The following CEP135 variants were observed in gnomAD, a reference collection of about 807,000 sequenced individuals.
CEP135 encodes the protein centrosomal protein of 135 kDa.
A neutral mutation model predicts 157.3 loss-of-function variants in CEP135; 142 were observed. The observed-to-expected ratio is 0.90, with a 90% CI of 0.79 to 1.04. CEP135 has a LOEUF of 1.04. Ranked by LOEUF, CEP135 falls within the 50% of genes least tolerant of loss-of-function variation. The pLI, the probability that CEP135 is intolerant of heterozygous loss-of-function variation, is 0.00. For synonymous variants in CEP135, 396 were observed against 439.8 expected (o/e 0.90, Z 1.25); for missense variants, 1,317 against 1,309.2 (o/e 1.01, Z -0.09).
rs146684547 is a variant in CEP135, at chr4:55,964,278, A to G, written c.704A>G (p.Glu235Gly). 98 of 1,608,558 alleles carry G rather than the reference A, an allele frequency of 6.1e-5. No individual in the cohort carries two copies. In the African/African-American group the frequency reaches 9.9e-4, roughly 16 times the overall value. ...ACAGCATGACTATATCTTCAGATTG[A>G]GCTAAGAGAACGAGAGATAGAACGA... is the stretch of plus-strand genomic sequence containing the variant. ...SGVRDYSKQI[E>G]LREREIERLS... The change falls in exon 7 of 26, where the codon GAG becomes GGG. Residue 235 changes from glutamate (E) to glycine (G), a missense_variant. Glu to Gly is a moderately conservative substitution (Grantham distance 98). Transcript: ENST00000257287.
At chr4:56,010,123 G>A (rs1356764302) in intron 19 of CEP135, among the ~76,000 whole-genome samples, 1 of 152,042 alleles carries the variant, frequency 6.6e-6, no homozygotes, top group Non-Finnish European at 1.5e-5. Flanking sequence ...GCTGAGGTGG[G>A]TGGATCACTT....
chr4:56,009,989 CTGA>C, intron 19 of CEP135, 86 bp downstream of exon 19: 2 of 1,287,228 alleles, frequency 1.6e-6, no homozygotes, highest in Non-Finnish European at 2.2e-6. Context: ...TTTCTAAAAT[CTGA>C]TGATATAAAA....
At chr4:55,980,027 G>A (rs1729346505) in intron 11 of CEP135, 116 bp from the exon 12 acceptor site, 11 of 851,832 alleles carry the variant, frequency 1.3e-5, no homozygotes, top group African/African-American at 6.9e-5. Flanking sequence ...CCTTAATTAC[G>A]TTAAAGGCAC....
chr4:55,992,583 T>G (rs1251426801), intron 15 of CEP135, among the ~76,000 whole-genome samples: 1 of 152,160 alleles, frequency 6.6e-6, no homozygotes, highest in Non-Finnish European at 1.5e-5. Context: ...TAGTGTTCCT[T>G]TTAGGAAGCT....
Position 55,977,171 on chromosome 4 carries a change from A to G in CEP135, c.1473+2202A>G, listed in dbSNP as rs190127890. On this transcript the variant is annotated intron_variant, in intron 11 of 25. Coordinates refer to ENST00000257287, the MANE Select transcript of CEP135 (RefSeq NM_025009.5). ...TCAGGAGCACTTGTTGGTAAACCAC[A>G]AAGATCATTCTACAGCTGGATTTGG... Among the ~76,000 whole-genome samples the G allele has an allele frequency of 4.3e-4, 66 of 152,296 alleles. 1 individual carries two copies. In the East Asian group the frequency reaches 0.01, roughly 24 times the overall value.
Position 56,017,846 on chromosome 4 carries a change from G to C in CEP135, c.3001G>C (p.Glu1001Gln). The change falls in exon 22 of 26, where the codon GAG (glutamate) becomes CAG (glutamine). Residue 1001 changes from glutamate to glutamine, a missense_variant. By Grantham distance (29) the Glu-to-Gln change is conservative. Coordinates refer to ENST00000257287, the MANE Select transcript of CEP135 (RefSeq NM_025009.5). Reference sequence around the variant, plus strand: ...CCAGCAATTGAATTCGAAAAACCTTGAGTTTGAGAGGGTAAGAAAGATAAA... The same window carrying C: ...CCAGCAATTGAATTCGAAAAACCTTCAGTTTGAGAGGGTAAGAAAGATAAA... ...MTQQLNSKNL[E>Q]FERVVVELEN... 6.2e-7 allele frequency: 1 copy of C among 1,612,080 alleles called. No individual in the cohort carries two copies.
chr4:56,018,538 G>A (rs753763702), intron 22 of CEP135, among the ~76,000 whole-genome samples: 6 of 152,078 alleles, frequency 3.9e-5, no homozygotes, highest in Non-Finnish European at 8.8e-5. Context: ...CAGGCAGATT[G>A]CTTGAGCTCA....
Position 56,017,697 on chromosome 4 carries a change from A to C in CEP135, c.2852A>C (p.Lys951Thr). Reference protein sequence around the residue: ...AYESQISSMAKAMSRLEEELR... With the variant: ...AYESQISSMATAMSRLEEELR... ...GAATCTCAGATCTCATCAATGGCAA[A>C]AGCCATGTCTCGATTAGAAGAAGAG... The change falls in exon 22 of 26, where the codon AAA (lysine) becomes ACA (threonine). Residue 951 changes from lysine to threonine, a missense_variant. Transcript: ENST00000257287. 3 of 1,613,796 alleles carry C rather than the reference A, an allele frequency of 1.9e-6. No homozygotes were observed. Among genetic ancestry groups the C allele is most frequent in the Non-Finnish European group, 2.5e-6 (3 of 1,179,956 alleles).
At chr4:55,985,631 T>C (rs1289045652) in intron 14 of CEP135, among the ~76,000 whole-genome samples, 1 of 152,046 alleles carries the variant, frequency 6.6e-6, no homozygotes, top group African/African-American at 2.4e-5. Flanking sequence ...ATTTTTTTTG[T>C]ATTTTTAGTA....
chr4:55,983,664 C>T (rs948697327), intron 13 of CEP135, among the ~76,000 whole-genome samples: 23 of 151,716 alleles, frequency 1.5e-4, no homozygotes, highest in Admixed American at 8.5e-4. Flanking sequence ...GGGGCAGTCC[C>T]GCTCACTGCA....
At chr4:56,003,230 C>T (rs1333794799) in intron 17 of CEP135, among the ~76,000 whole-genome samples, 1 of 152,028 alleles carries the variant, frequency 6.6e-6, no homozygotes, top group African/African-American at 2.4e-5. Flanking sequence ...CTTTGTCGCT[C>T]AGGGTGGAGT....
At chr4:56,002,988 C>T (rs1392879161) in intron 17 of CEP135, among the ~76,000 whole-genome samples, 1 of 152,140 alleles carries the variant, frequency 6.6e-6, no homozygotes, top group Non-Finnish European at 1.5e-5. Flanking sequence ...TCCATTTCTT[C>T]TAGGTTTTCC....
chr4:55,964,461 A>G (rs910957841), intron 7 of CEP135, 59 bp downstream of exon 7: 10 of 1,350,578 alleles, frequency 7.4e-6, no homozygotes, highest in South Asian at 1.4e-5. Flanking sequence ...AATAAACACT[A>G]TATGTTTATA....
chr4:56,029,683 C>T (rs145762764), intron 25 of CEP135, among the ~76,000 whole-genome samples: 94 of 152,290 alleles, frequency 6.2e-4, no homozygotes, highest in African/African-American at 2.1e-3. Context: ...TGCTCCTAGG[C>T]GATAAATCTG....
chr4:56,019,526 G>A lies in CEP135; in HGVS notation c.3186G>A (p.Lys1062=), dbSNP rs1377057568. 1.2e-6 allele frequency: 2 copies of A among 1,613,638 alleles called. No homozygotes were observed. Among genetic ancestry groups the A allele is most frequent in the African/African-American group, 1.3e-5 (1 of 75,016 alleles). The change falls in exon 23 of 26, where the codon AAG becomes AAA. Residue 1062 remains lysine (K), a synonymous_variant. Transcript: ENST00000257287. ...AGGATACAGAAATCCAGCTACTTAAGGAGAAGTTAACCCTTTCTGAAAGCA... is the reference window on the plus strand; with the variant it reads ...AGGATACAGAAATCCAGCTACTTAAAGAGAAGTTAACCCTTTCTGAAAGCA... The part of the protein sequence containing the change: ...HEKDTEIQLL[K]EKLTLSESKL...
chr4:56,008,390 A>G lies in CEP135; in HGVS notation c.2336+8A>G. 1 of 1,598,410 alleles carries G rather than the reference A, an allele frequency of 6.3e-7. No homozygotes were observed. ...GTGTGAATCATCTGTGAAGTAAGTCATTAATGAAATTACATCCAGCTTTTT... is the reference window on the plus strand; with the variant it reads ...GTGTGAATCATCTGTGAAGTAAGTCGTTAATGAAATTACATCCAGCTTTTT... On this transcript the variant is annotated splice_region_variant and intron_variant, in intron 18 of 25. Coordinates refer to ENST00000257287, the MANE Select transcript of CEP135 (RefSeq NM_025009.5).
intron 22 of CEP135, among the ~76,000 whole-genome samples, chr4:56,018,400 T>C (rs1730857132): frequency 6.6e-6 from 1 of 152,220 alleles, no homozygotes; most frequent in Non-Finnish European, 1.5e-5. Context: ...GATGGCTATC[T>C]AGGAGATTAT....
At chr4:55,986,285 C>G (rs1729577569) in intron 14 of CEP135, among the ~76,000 whole-genome samples, 1 of 152,028 alleles carries the variant, frequency 6.6e-6, no homozygotes, top group African/African-American at 2.4e-5. Flanking sequence ...GCCTATAATC[C>G]CAACACTTTG....
At chr4:55,949,216 C>G (rs1475912621) in intron 1 of CEP135, among the ~76,000 whole-genome samples, 157 bp downstream of exon 1, 1 of 152,118 alleles carries the variant, frequency 6.6e-6, no homozygotes, top group Non-Finnish European at 1.5e-5. Flanking sequence ...CGGGGAGGGG[C>G]GCGGGGACTC....
Sources: allele counts gnomAD v4.1 joint callset (sites outside exome capture counted in the v4.1 genomes callset), GRCh38; gene constraint gnomAD v4.1.1; transcripts MANE v1.5; gene names NCBI Gene and HGNC (gene_info 2026-07-23, HGNC 2026-07-21).